The following ZNF780A variants were observed in gnomAD, a reference collection of about 807,000 sequenced individuals.
The protein encoded by ZNF780A is zinc finger protein 780A.
Under a neutral mutation model 56.7 loss-of-function variants are expected in ZNF780A, and 40 were observed. The observed-to-expected ratio is 0.71, with a 90% CI of 0.55 to 0.92. The LOEUF is 0.92. Ranked by LOEUF, ZNF780A falls within the 40% of genes least tolerant of loss-of-function variation. The pLI is 0.00. For missense variants in ZNF780A, 672 were observed against 783.3 expected, an observed-to-expected ratio of 0.86 and a Z score of 1.70; for synonymous variants, 231 against 248.3, an observed-to-expected ratio of 0.93 and a Z score of 0.66.
rs1974996238 is a variant in ZNF780A at position 40,089,244 on chromosome 19, C to A, written c.-46+922G>T. ...GTTAATTAGCTAGATTTAGTCATTC[C>A]ACAATGTATACATACCATAAAACTT... On this transcript the variant is annotated intron_variant, in intron 2 of 5. Coordinates refer to ENST00000683561, the MANE Select transcript of ZNF780A (RefSeq NM_001142578.2). The A allele has an allele frequency of 2.8e-6, 4 of 1,412,516 alleles. No individual in the cohort carries two copies. In the African/African-American group the frequency reaches 4.3e-5, roughly 15 times the overall value. The allele number at this position is 1,412,516 out of a possible 1,614,324, so 87.5% of individuals were successfully genotyped here.
chr19:40,088,104 A>G (rs1165385244), intron 2 of ZNF780A, among the ~76,000 whole-genome samples: 1 of 152,196 alleles, frequency 6.6e-6, no homozygotes, highest in Non-Finnish European at 1.5e-5. Flanking sequence ...GATCTGAGCA[A>G]TGATTTTTTT....
rs537171872 is a variant in ZNF780A at position 40,074,468 on chromosome 19, T to A, written c.*48A>T. The A allele has an allele frequency of 3.1e-6, 5 of 1,604,808 alleles. No homozygotes were observed. Among genetic ancestry groups the A allele is most frequent in the South Asian group, 2.2e-5 (2 of 89,196 alleles). On this transcript the variant is annotated 3_prime_UTR_variant, in exon 6 of 6. Coordinates refer to ENST00000683561, the MANE Select transcript of ZNF780A (RefSeq NM_001142578.2). Reference sequence around the variant, plus strand: ...TACACCAGCACGAATACTCTGATGTTGAACATGGTTTGAGACACGATTAAA... The same window carrying A: ...TACACCAGCACGAATACTCTGATGTAGAACATGGTTTGAGACACGATTAAA...
Position 40,090,827 on chromosome 19 carries a change from CG to C in ZNF780A, c.-116+78del, listed in dbSNP as rs1417452337. On this transcript the variant is annotated intron_variant, in intron 1 of 5. Transcript: ENST00000683561. The stretch of plus-strand genomic sequence containing the variant: ...CCTCCCCCTAGGCCACCCGCACTGT[CG>C]GGTCAGTCAGGCTGGAGCCCCAATC... The C allele has an allele frequency of 2.6e-5, 4 of 152,552 alleles. No homozygotes were observed. The South Asian group carries it at 8.3e-4, about 32-fold the overall frequency. 9.4% of individuals were successfully genotyped at this position (152,552 alleles called of 1,614,324 possible).
intron 5 of ZNF780A, among the ~76,000 whole-genome samples, chr19:40,078,942 C>A (rs1043839180): frequency 2.0e-5 from 3 of 152,098 alleles, no homozygotes; most frequent in Non-Finnish European, 2.9e-5. Context: ...AAAGGATACA[C>A]AAATCAACTA....
Position 40,075,357 on chromosome 19 carries a change from T to C in ZNF780A, c.1085A>G (p.Glu362Gly). 1 of 1,614,054 alleles carries C rather than the reference T, an allele frequency of 6.2e-7. No homozygotes were observed. Among genetic ancestry groups the C allele is most frequent in the Non-Finnish European group, 8.5e-7 (1 of 1,180,006 alleles). The change falls in exon 6 of 6, where the codon GAA becomes GGA. Residue 362 changes from glutamate to glycine, a missense_variant. Physicochemically the swap from Glu to Gly is moderately conservative, Grantham distance 98. Transcript: ENST00000683561. ...QKIHTGEKPF[E>G]CRECGKAFSL... ...AAAGGCCTTCCCACATTCCCTGCATTCAAAGGGTTTCTCACCAGTATGAAT... is the reference window on the plus strand; with the variant it reads ...AAAGGCCTTCCCACATTCCCTGCATCCAAAGGGTTTCTCACCAGTATGAAT...
At chr19:40,084,836 C>G in intron 2 of ZNF780A, 38 bp from the exon 3 acceptor site, 1 of 1,545,506 alleles carries the variant, frequency 6.5e-7, no homozygotes. Flanking sequence ...ACAATTAAAG[C>G]TGTGTCTCAA....
chr19:40,086,046 G>T (rs1417421752), intron 2 of ZNF780A, among the ~76,000 whole-genome samples: 1 of 151,432 alleles, frequency 6.6e-6, no homozygotes. Flanking sequence ...ATATATAAAT[G>T]TACATACACA....
chr19:40,074,889 T>C lies in ZNF780A; in HGVS notation c.1553A>G (p.Gln518Arg). Residue 518 changes from glutamine to arginine, a missense_variant, in exon 6 of 6, where the codon CAA becomes CGA. Gln to Arg is a conservative substitution (Grantham distance 43). Coordinates refer to ENST00000683561, the MANE Select transcript of ZNF780A (RefSeq NM_001142578.2). ...KAFRLYLQLS[Q>R]HQKTHTGEKP... is the part of the protein sequence containing the mutation. ...TTCACCTGTGTGAGTTTTCTGATGT[T>C]GGGAAAGTTGTAGGTAAAGTCTAAA... The C allele has an allele frequency of 1.2e-6, 2 of 1,613,754 alleles. No homozygotes were observed. Among genetic ancestry groups the C allele is most frequent in the South Asian group, 2.2e-5 (2 of 91,048 alleles).
chr19:40,080,960 A>C (rs1974439386), intron 5 of ZNF780A, among the ~76,000 whole-genome samples: 1 of 152,208 alleles, frequency 6.6e-6, no homozygotes, highest in African/African-American at 2.4e-5. Context: ...TTAAAGACTT[A>C]AATGTAAGAC....
At chr19:40,077,132 A>G (rs1372012908) in intron 5 of ZNF780A, among the ~76,000 whole-genome samples, 2 of 152,088 alleles carry the variant, frequency 1.3e-5, no homozygotes, top group Admixed American at 6.6e-5. Flanking sequence ...AGCATACACT[A>G]TGCTGGGGCC....
At chr19:40,072,815 C>G (rs1440683527), downstream of ZNF780A, 3 of 1,492,804 alleles carry the variant, frequency 2.0e-6, no homozygotes, top group African/African-American at 4.3e-5. Context: ...TACTAAGTGC[C>G]ACTGTTGATT....
rs755595023 is a variant in ZNF780A at position 40,074,607 on chromosome 19, G to T, written c.1835C>A (p.Pro612His). Residue 612 changes from proline to histidine, a missense_variant, in exon 6 of 6, where the codon CCC becomes CAC. Physicochemically the swap from Pro to His is moderately conservative, Grantham distance 77. Coordinates refer to ENST00000683561, the MANE Select transcript of ZNF780A (RefSeq NM_001142578.2). ...RHQKLHTGEK[P>H]FECKECGKVF... ...CTTTCCACATTCCTTACATTCAAAGGGTTTCTCACCAGTATGCAATTTCTG... is the reference window on the plus strand; with the variant it reads ...CTTTCCACATTCCTTACATTCAAAGTGTTTCTCACCAGTATGCAATTTCTG... The T allele has an allele frequency of 1.9e-6, 3 of 1,613,852 alleles. No individual in the cohort carries two copies. Among genetic ancestry groups the T allele is most frequent in the Admixed American group, 1.7e-5 (1 of 60,008 alleles).
Position 40,089,180 on chromosome 19 carries a change from T to C in ZNF780A, c.-46+986A>G, listed in dbSNP as rs553715030. The C allele has an allele frequency of 4.5e-5, 58 of 1,297,430 alleles. 1 individual carries two copies. The South Asian group carries it at 1.4e-3, about 32-fold the overall frequency. 80.4% of individuals were successfully genotyped at this position (1,297,430 alleles called of 1,614,324 possible). On this transcript the variant is annotated intron_variant, in intron 2 of 5. Coordinates refer to ENST00000683561, the MANE Select transcript of ZNF780A (RefSeq NM_001142578.2). ...TGCTAGGAGGGTGGATATTAAGTGT[T>C]CTCACCACAAAAATGATAACTATGT...
intron 3 of ZNF780A, 93 bp downstream of exon 3, chr19:40,084,652 G>T: frequency 7.5e-7 from 1 of 1,327,340 alleles, no homozygotes; most frequent in Non-Finnish European, 1.0e-6. Flanking sequence ...GTAAGATCGT[G>T]AATTCTAGGT....
chr19:40,084,419 C>A (rs928768642), intron 3 of ZNF780A, among the ~76,000 whole-genome samples: 1 of 152,180 alleles, frequency 6.6e-6, no homozygotes, highest in Non-Finnish European at 1.5e-5. Flanking sequence ...TGTGGTCAAT[C>A]ATCTGTAACT....
intron 4 of ZNF780A, among the ~76,000 whole-genome samples, chr19:40,082,823 C>T (rs1404671329): frequency 6.6e-6 from 1 of 152,148 alleles, no homozygotes; most frequent in East Asian, 1.9e-4. Context: ...GGTTCTTAGA[C>T]AATATCTTTC....
chr19:40,074,220 G>C lies in ZNF780A; in HGVS notation c.*296C>G. The C allele has an allele frequency of 7.0e-7, 1 of 1,422,772 alleles. No homozygotes were observed. The highest frequency in any genetic ancestry group is 1.5e-5 in the South Asian group (1 of 67,340). 88.1% of individuals were successfully genotyped at this position (1,422,772 alleles called of 1,614,324 possible). ...GCCAGTATGAATGACCTGAAGTCCAGCAAGCTGTGTCAGAAAACTGAAGGC... is the reference window on the plus strand; with the variant it reads ...GCCAGTATGAATGACCTGAAGTCCACCAAGCTGTGTCAGAAAACTGAAGGC... On this transcript the variant is annotated 3_prime_UTR_variant, in exon 6 of 6. Coordinates refer to ENST00000683561, the MANE Select transcript of ZNF780A (RefSeq NM_001142578.2).
chr19:40,069,649 A>G (rs1973751044), downstream of ZNF780A: 4 of 152,306 alleles, frequency 2.6e-5, no homozygotes, highest in South Asian at 8.3e-4. Flanking sequence ...CTGATACACA[A>G]AACATGTAAT....
intron 3 of ZNF780A, among the ~76,000 whole-genome samples, chr19:40,084,311 T>A (rs1974658182): frequency 6.6e-6 from 1 of 152,154 alleles, no homozygotes; most frequent in African/African-American, 2.4e-5. Flanking sequence ...ATAAAGCAGA[T>A]CACCTTGTCA....
Sources: gnomAD v4.1 joint callset for allele counts (sites outside exome capture counted in the v4.1 genomes callset) on GRCh38, gnomAD v4.1.1 for gene constraint, MANE v1.5 for transcripts, NCBI Gene and HGNC (gene_info 2026-07-23, HGNC 2026-07-21) for gene names.